Variants in NKAIN2 observed in about 807,000 individuals in gnomAD.
NKAIN2 encodes sodium/potassium-transporting ATPase subunit beta-1-interacting protein 2.
A neutral mutation model predicts 32.6 loss-of-function variants in NKAIN2; 14 were observed. The ratio of observed to expected loss-of-function variants is 0.43; its 90% CI spans 0.28 to 0.67. The LOEUF is 0.67. Ranked by LOEUF, NKAIN2 falls within the 30% of genes least tolerant of loss-of-function variation. The probability of loss-of-function intolerance (pLI) is 0.17; values close to 1 mark genes in which losing one functional copy is unlikely to be tolerated. For missense variants in NKAIN2, 198 were observed against 258.3 expected (o/e 0.77, Z 1.60); for synonymous variants, 80 against 87.2 (o/e 0.92, Z 0.46).
chr6:124,239,426 A>G (rs1422133017), intron 1 of NKAIN2, among the ~76,000 whole-genome samples: 1 of 152,170 alleles, frequency 6.6e-6, no homozygotes, highest in Non-Finnish European at 1.5e-5. Flanking sequence ...CTCCTCCCCA[A>G]ATTAACAGAA....
intron 1 of NKAIN2, among the ~76,000 whole-genome samples, chr6:124,097,785 A>T (rs1387905133): frequency 6.6e-6 from 1 of 152,204 alleles, no homozygotes; most frequent in Non-Finnish European, 1.5e-5. Flanking sequence ...CTATATGGGA[A>T]GTGTATGCAG....
chr6:124,643,062 G>A (rs1335576343), intron 3 of NKAIN2, among the ~76,000 whole-genome samples: 2 of 152,086 alleles, frequency 1.3e-5, no homozygotes, highest in Non-Finnish European at 2.9e-5. Flanking sequence ...ACCTGTACTG[G>A]TTGCACCACA....
chr6:124,636,814 T>C (rs968825030), intron 3 of NKAIN2, among the ~76,000 whole-genome samples: 1 of 151,942 alleles, frequency 6.6e-6, no homozygotes, highest in South Asian at 2.1e-4. Flanking sequence ...TACCAAACTT[T>C]TAAAGAACTA....
intron 3 of NKAIN2, among the ~76,000 whole-genome samples, chr6:124,632,865 AAAAGCTTCTTCATCC>A (rs1783623416): frequency 6.6e-6 from 1 of 152,226 alleles, no homozygotes; most frequent in South Asian, 2.1e-4. Context: ...AAATATCTTT[AAAAGCTTCTTCATCC>A]AAATGCATGA....
intron 1 of NKAIN2, among the ~76,000 whole-genome samples, chr6:124,122,271 AT>A (rs1322528561): frequency 2.6e-5 from 4 of 152,126 alleles, no homozygotes; most frequent in African/African-American, 9.6e-5. Flanking sequence ...GTATATATAT[AT>A]TTTTAATTAT....
At chr6:124,668,978 C>A in intron 4 of NKAIN2, among the ~76,000 whole-genome samples, 1 of 152,018 alleles carries the variant, frequency 6.6e-6, no homozygotes, top group East Asian at 1.9e-4. Flanking sequence ...AAACTTGTGG[C>A]CTTAAAAGCT....
intron 1 of NKAIN2, among the ~76,000 whole-genome samples, chr6:124,132,708 C>A (rs921508407): frequency 2.0e-5 from 3 of 152,194 alleles, no homozygotes; most frequent in Non-Finnish European, 4.4e-5. Context: ...ATCTACATCA[C>A]CCCCAGCCAC....
At chr6:123,963,573 G>T (rs560858585) in intron 1 of NKAIN2, among the ~76,000 whole-genome samples, 1 of 152,250 alleles carries the variant, frequency 6.6e-6, no homozygotes, top group African/African-American at 2.4e-5. Context: ...TTATGGTATT[G>T]TTATGAAGAT....
At chr6:124,392,804 G>T (rs903929408) in intron 3 of NKAIN2, among the ~76,000 whole-genome samples, 1 of 152,110 alleles carries the variant, frequency 6.6e-6, no homozygotes, top group African/African-American at 2.4e-5. Context: ...GTGAAAGGCT[G>T]GAGGTCTTAT....
chr6:124,614,669 T>C (rs1298269364), intron 3 of NKAIN2, among the ~76,000 whole-genome samples: 3 of 151,080 alleles, frequency 2.0e-5, no homozygotes, highest in African/African-American at 7.3e-5. Context: ...TTTCCTTTAA[T>C]GAAGATGTTG....
intron 2 of NKAIN2, among the ~76,000 whole-genome samples, chr6:124,339,818 C>T (rs1263437175): frequency 4.6e-5 from 7 of 151,994 alleles, no homozygotes; most frequent in African/African-American, 7.2e-5. Context: ...TACTATTGTG[C>T]GTGTGGAAGG....
chr6:124,536,538 A>T (rs1230491572), intron 3 of NKAIN2, among the ~76,000 whole-genome samples: 2 of 152,008 alleles, frequency 1.3e-5, no homozygotes, highest in Non-Finnish European at 2.9e-5. Flanking sequence ...TGCCTGAATT[A>T]CTTAAGTAAT....
At chr6:124,457,173 T>C (rs985317845) in intron 3 of NKAIN2, among the ~76,000 whole-genome samples, 6 of 151,940 alleles carry the variant, frequency 3.9e-5, no homozygotes, top group African/African-American at 1.4e-4. Context: ...TAGAACTTTG[T>C]ATCCAGTGAC....
At chr6:124,334,323 C>G (rs1797780643) in intron 2 of NKAIN2, among the ~76,000 whole-genome samples, 1 of 152,314 alleles carries the variant, frequency 6.6e-6, no homozygotes, top group Non-Finnish European at 1.5e-5. Context: ...TCCTTGCCTG[C>G]TCCCCAGACA....
chr6:124,206,719 C>T (rs1790904483), intron 1 of NKAIN2, among the ~76,000 whole-genome samples: 1 of 151,636 alleles, frequency 6.6e-6, no homozygotes, highest in Non-Finnish European at 1.5e-5. Context: ...TCTTTCTTTT[C>T]TTTCACACTC....
intron 2 of NKAIN2, among the ~76,000 whole-genome samples, chr6:124,339,085 G>T (rs956283894): frequency 6.6e-6 from 1 of 152,298 alleles, no homozygotes. Flanking sequence ...GCTCATGCCT[G>T]TAATCCCAGC....
At chr6:124,613,143 A>C (rs1782753863) in intron 3 of NKAIN2, among the ~76,000 whole-genome samples, 1 of 152,138 alleles carries the variant, frequency 6.6e-6, no homozygotes, top group African/African-American at 2.4e-5. Flanking sequence ...TTGTGCACAA[A>C]TGATAGCAGA....
At chr6:124,366,376 T>A (rs889186730) in intron 3 of NKAIN2, among the ~76,000 whole-genome samples, 7 of 152,082 alleles carry the variant, frequency 4.6e-5, no homozygotes, top group Non-Finnish European at 8.8e-5. Flanking sequence ...AGACCACAAC[T>A]TGAAATAAAT....
intron 3 of NKAIN2, among the ~76,000 whole-genome samples, chr6:124,476,049 AGAGAGAGAGAGAGAGAGTGTGT>A (rs1777186714): frequency 5.7e-5 from 6 of 105,066 alleles, no homozygotes; most frequent in African/African-American, 2.3e-4. Context: ...TGTGTGTGTG[AGAGAGAGAGAGAGAGAGTGTGT>A]GTGTGTGTGT....
Sources: gnomAD v4.1 joint callset for allele counts (sites outside exome capture counted in the v4.1 genomes callset) on GRCh38, gnomAD v4.1.1 for gene constraint, MANE v1.5 for transcripts, NCBI Gene and HGNC (gene_info 2026-07-23, HGNC 2026-07-21) for gene names.